TRPM3: variants seen among roughly 807,000 people sequenced by gnomAD.
The protein encoded by TRPM3 is transient receptor potential cation channel subfamily M member 3.
In TRPM3, 77 loss-of-function variants were observed where a neutral mutation model predicts 181.2. The ratio of observed to expected loss-of-function variants is 0.42; its 90% CI spans 0.35 to 0.51. The LOEUF is 0.51. TRPM3 is among the 20% of genes least tolerant of loss of function. The probability of loss-of-function intolerance (pLI) is 0.01; values close to 1 mark genes in which losing one functional copy is unlikely to be tolerated. For missense variants in TRPM3, 1,759 were observed against 2,196.7 expected (o/e 0.80, Z 3.98); for synonymous variants, 745 against 796.4 (o/e 0.94, Z 1.09).
intron 1 of TRPM3, among the ~76,000 whole-genome samples, chr9:71,340,017 G>A (rs565385336): frequency 2.6e-5 from 4 of 152,210 alleles, no homozygotes; most frequent in African/African-American, 9.6e-5. Flanking sequence ...TTTGAAAACA[G>A]GATTTTGTCT....
intron 1 of TRPM3, among the ~76,000 whole-genome samples, chr9:71,100,877 A>G (rs1049764533): frequency 3.3e-5 from 5 of 152,154 alleles, no homozygotes; most frequent in African/African-American, 1.2e-4. Flanking sequence ...GGAAGCTTAG[A>G]GTCGTAACAC....
chr9:71,360,548 T>C (rs2092099595), intron 1 of TRPM3, among the ~76,000 whole-genome samples: 1 of 152,184 alleles, frequency 6.6e-6, no homozygotes, highest in African/African-American at 2.4e-5. Context: ...TTTATTCTAA[T>C]CTCTAAATTG....
At chr9:70,879,433 T>C (rs1017290184) in intron 1 of TRPM3, among the ~76,000 whole-genome samples, 10 of 152,224 alleles carry the variant, frequency 6.6e-5, no homozygotes, top group African/African-American at 2.4e-4. Flanking sequence ...TAAATTTTCC[T>C]TTCTCTGTTT....
chr9:70,890,834 G>A (rs904711854), intron 1 of TRPM3, among the ~76,000 whole-genome samples: 5 of 152,026 alleles, frequency 3.3e-5, no homozygotes, highest in African/African-American at 1.2e-4. Context: ...CAGAGGCAGA[G>A]GGAATTCATA....
intron 1 of TRPM3, among the ~76,000 whole-genome samples, chr9:71,042,612 G>A (rs2058959359): frequency 2.6e-5 from 4 of 152,084 alleles, no homozygotes; most frequent in Admixed American, 1.3e-4. Context: ...AATTTCCTAT[G>A]TCCAAGCTAA....
chr9:70,788,949 C>A (rs531615642), intron 6 of TRPM3, among the ~76,000 whole-genome samples: 1 of 152,154 alleles, frequency 6.6e-6, no homozygotes, highest in Non-Finnish European at 1.5e-5. Flanking sequence ...ACTTGCCAGC[C>A]GCTCACCTAT....
intron 1 of TRPM3, among the ~76,000 whole-genome samples, chr9:70,938,180 G>A (rs1365568538): frequency 2.0e-5 from 3 of 152,278 alleles, no homozygotes; most frequent in Non-Finnish European, 4.4e-5. Flanking sequence ...TTTGACCTGA[G>A]TTTGGAGTTG....
At chr9:70,822,841 T>C (rs2093293738) in intron 6 of TRPM3, among the ~76,000 whole-genome samples, 1 of 151,184 alleles carries the variant, frequency 6.6e-6, no homozygotes, top group Admixed American at 6.6e-5. Flanking sequence ...GCCTCTCTCC[T>C]ACTTCGTACT....
intron 1 of TRPM3, among the ~76,000 whole-genome samples, chr9:71,377,129 C>T (rs558430763): frequency 2.6e-5 from 4 of 151,896 alleles, no homozygotes; most frequent in Admixed American, 6.6e-5. Flanking sequence ...TTGGAGATGC[C>T]GAATTATTTG....
chr9:71,332,376 G>GGTGTGTGTGTGTGTGTGTGTGTGT (rs3041716), intron 1 of TRPM3, among the ~76,000 whole-genome samples: 1 of 142,248 alleles, frequency 7.0e-6, no homozygotes, highest in African/African-American at 2.6e-5. Flanking sequence ...TTCAATGTTG[G>GGTGTGTGTGTGTGTGTGTGTGTGT]GTGTGTGTGT....
intron 1 of TRPM3, among the ~76,000 whole-genome samples, chr9:71,441,472 G>A (rs1008708362): frequency 3.9e-5 from 6 of 152,170 alleles, no homozygotes; most frequent in Non-Finnish European, 5.9e-5. Context: ...TGACATTGCA[G>A]TAGCATATTA....
At chr9:70,887,391 C>G (rs1459864464) in intron 1 of TRPM3, among the ~76,000 whole-genome samples, 2 of 152,126 alleles carry the variant, frequency 1.3e-5, no homozygotes, top group African/African-American at 2.4e-5. Context: ...CATTACTCAT[C>G]TAAAGTGTTA....
chr9:71,168,113 T>C (rs980228064), intron 1 of TRPM3, among the ~76,000 whole-genome samples: 1 of 152,162 alleles, frequency 6.6e-6, no homozygotes, highest in Non-Finnish European at 1.5e-5. Context: ...CCCATCATCA[T>C]ATCATGACAT....
chr9:70,875,386 T>G (rs114596645), intron 1 of TRPM3, among the ~76,000 whole-genome samples: 1 of 151,980 alleles, frequency 6.6e-6, no homozygotes. Context: ...ATCATTTCTT[T>G]TATAAGTAAA....
At chr9:70,576,561 C>G (rs1454480909) in intron 22 of TRPM3, among the ~76,000 whole-genome samples, 1 of 150,420 alleles carries the variant, frequency 6.6e-6, no homozygotes, top group Non-Finnish European at 1.5e-5. Flanking sequence ...GTCGCCCAGA[C>G]TAGAGTGCAA....
chr9:70,766,079 G>A (rs1210856943), intron 7 of TRPM3, among the ~76,000 whole-genome samples: 1 of 152,142 alleles, frequency 6.6e-6, no homozygotes, highest in Non-Finnish European at 1.5e-5. Context: ...GATAGGAGGT[G>A]TAGTCATTGA....
intron 9 of TRPM3, among the ~76,000 whole-genome samples, chr9:70,674,645 GAC>G (rs1376565991): frequency 6.6e-6 from 1 of 151,082 alleles, no homozygotes; most frequent in Non-Finnish European, 1.5e-5. Context: ...CTGCAGCCTT[GAC>G]CTCCTGGGCT....
At chr9:71,118,174 G>T (rs569862148) in intron 1 of TRPM3, among the ~76,000 whole-genome samples, 90 of 152,302 alleles carry the variant, frequency 5.9e-4, no homozygotes, top group African/African-American at 2.1e-3. Flanking sequence ...AACAGGCTCT[G>T]TCTTTTGGCT....
At chr9:71,227,130 AAG>A (rs1226160916) in intron 1 of TRPM3, among the ~76,000 whole-genome samples, 1 of 150,724 alleles carries the variant, frequency 6.6e-6, no homozygotes, top group Non-Finnish European at 1.5e-5. Context: ...AAAAAAAAAA[AAG>A]AGAGAAATAT....
Sources: gnomAD v4.1 joint callset for allele counts (sites outside exome capture counted in the v4.1 genomes callset) on GRCh38, gnomAD v4.1.1 for gene constraint, MANE v1.5 for transcripts, NCBI Gene and HGNC (gene_info 2026-07-23, HGNC 2026-07-21) for gene names.